SARAF: variants seen among roughly 807,000 people sequenced by gnomAD.
SARAF encodes store-operated calcium entry associated regulatory factor.
Under a neutral mutation model 39.7 loss-of-function variants are expected in SARAF, and 23 were observed. The observed-to-expected ratio is 0.58, with a 90% confidence interval of 0.42 to 0.82. The LOEUF is 0.82. Ranked by LOEUF, SARAF falls within the 40% of genes least tolerant of loss-of-function variation. SARAF has a pLI of 0.00. For missense variants in SARAF, 384 were observed against 418.5 expected, an observed-to-expected ratio of 0.92 and a Z score of 0.72; for synonymous variants, 175 against 168.5, an observed-to-expected ratio of 1.04 and a Z score of -0.30.
chr8:30,076,178 A>T (rs922251825), intron 1 of SARAF, among the ~76,000 whole-genome samples: 1 of 152,104 alleles, frequency 6.6e-6, no homozygotes, highest in African/African-American at 2.4e-5. Context: ...TGGAGAGGAT[A>T]AAACTGAAGG....
At chr8:30,066,291 CG>C in intron 4 of SARAF, 152 bp from the exon 5 acceptor site, 2 of 836,376 alleles carry the variant, frequency 2.4e-6, no homozygotes, top group Non-Finnish European at 3.6e-6. Context: ...AAATAAAAAC[CG>C]TTTCATATTT....
At chr8:30,076,499 T>A (rs1358499441) in intron 1 of SARAF, among the ~76,000 whole-genome samples, 1 of 152,254 alleles carries the variant, frequency 6.6e-6, no homozygotes, top group Non-Finnish European at 1.5e-5. Flanking sequence ...TAGCTTCCAA[T>A]GAGCTTTTTG....
At chr8:30,074,987 T>C (rs1415937654) in intron 1 of SARAF, among the ~76,000 whole-genome samples, 2 of 152,166 alleles carry the variant, frequency 1.3e-5, no homozygotes, top group Non-Finnish European at 2.9e-5. Context: ...TAAAATTATG[T>C]CTGGCATTCA....
At chr8:30,078,398 C>T (rs1231558484) in intron 1 of SARAF, 1 of 257,592 alleles carries the variant, frequency 3.9e-6, no homozygotes, top group Non-Finnish European at 7.8e-6. Flanking sequence ...CACAAAGGCA[C>T]ACGAAAAGTA....
At chr8:30,064,561 A>T (rs368970226) in intron 5 of SARAF, among the ~76,000 whole-genome samples, 42,400 of 46,340 alleles carry the variant, frequency 0.91, 19,608 homozygotes, top group South Asian at 0.95. Context: ...ATATATATAT[A>T]TTTTTTTTTT....
Position 30,063,749 on chromosome 8 carries a change from AG to A in SARAF, c.*138del. ...TAGCCTCAAATAATAGAATACAAAA[AG>A]CTACACTGGACATAACACCACAGAA... On this transcript the variant is annotated 3_prime_UTR_variant, in exon 6 of 6. Coordinates refer to ENST00000256255, the MANE Select transcript of SARAF (RefSeq NM_016127.6). 1.4e-6 allele frequency: 1 copy of A among 724,978 alleles called. No individual in the cohort carries two copies. Among genetic ancestry groups the A allele is most frequent in the Non-Finnish European group, 2.4e-6 (1 of 416,804 alleles). 44.9% of individuals were successfully genotyped at this position (724,978 alleles called of 1,614,324 possible). A position where few individuals can be genotyped will look rare whatever the true frequency, so the allele number is the denominator to read the frequency against.
intron 2 of SARAF, among the ~76,000 whole-genome samples, chr8:30,072,966 A>G (rs564032422): frequency 5.3e-4 from 81 of 152,336 alleles, no homozygotes; most frequent in African/African-American, 1.9e-3. Flanking sequence ...AATGAATGAC[A>G]TCACCATTAC....
chr8:30,068,440 C>T (rs575876470), intron 3 of SARAF, among the ~76,000 whole-genome samples: 1 of 152,292 alleles, frequency 6.6e-6, no homozygotes, highest in African/African-American at 2.4e-5. Flanking sequence ...CTCAGGGCTC[C>T]CACTGATTCT....
intron 1 of SARAF, among the ~76,000 whole-genome samples, chr8:30,077,106 T>C (rs1801984812): frequency 6.6e-6 from 1 of 152,134 alleles, no homozygotes; most frequent in South Asian, 2.1e-4. Flanking sequence ...TTAAAAGGGA[T>C]ACTCAGAGAA....
chr8:30,075,173 G>A (rs1006787238), intron 1 of SARAF, among the ~76,000 whole-genome samples: 2 of 152,008 alleles, frequency 1.3e-5, no homozygotes, highest in African/African-American at 4.8e-5. Context: ...GGTGGCACAT[G>A]CCTGTAATCC....
In SARAF at chr8:30,069,773, T is replaced by C. The variant is rs765079524; in HGVS notation, c.569A>G (p.Tyr190Cys). ...CTGCCCGTCACTCAGGAACAGCTTA[T>C]AGACTACAAACGCGATCCCAAGGAG... Reference protein sequence around the residue: ...VVLLGIAFVVYKLFLSDGQYS... With the variant: ...VVLLGIAFVVCKLFLSDGQYS... Residue 190 changes from tyrosine to cysteine, a missense_variant, in exon 3 of 6, where the codon TAT becomes TGT. Coordinates refer to ENST00000256255, the MANE Select transcript of SARAF (RefSeq NM_016127.6). 4.3e-6 allele frequency: 7 copies of C among 1,614,028 alleles called. No homozygotes were observed. The highest frequency in any genetic ancestry group is 1.3e-5 in the African/African-American group (1 of 74,920).
rs1054766417 is a variant in SARAF, at chr8:30,078,304, A to C, written c.104-4249T>G. ...CTGATTAGACAAACTCCAGGCTGTAATTCAAGAAAAGTTCCCACACTGAAG... is the reference window on the plus strand; with the variant it reads ...CTGATTAGACAAACTCCAGGCTGTACTTCAAGAAAAGTTCCCACACTGAAG... On this transcript the variant is annotated intron_variant, in intron 1 of 5. Transcript: ENST00000256255. The C allele has an allele frequency of 2.3e-5, 10 of 428,812 alleles. No homozygotes were observed. In the Admixed American group the frequency reaches 2.9e-4, roughly 13 times the overall value. 26.6% of individuals were successfully genotyped at this position (428,812 alleles called of 1,614,324 possible).
chr8:30,074,438 A>G lies in SARAF; in HGVS notation c.104-383T>C, dbSNP rs536912904. 5.9e-5 allele frequency among the ~76,000 whole-genome samples: 9 copies of G among 152,354 alleles called. No homozygotes were observed. In the East Asian group the frequency reaches 1.5e-3, roughly 26 times the overall value. On this transcript the variant is annotated intron_variant, in intron 1 of 5. Transcript: ENST00000256255. ...ACATTTAATGCTTTAAATGTCCATCAACAGGTGAAGAAATTAACACATTCT... is the reference window on the plus strand; with the variant it reads ...ACATTTAATGCTTTAAATGTCCATCGACAGGTGAAGAAATTAACACATTCT...
At chr8:30,069,178 C>T (rs1483502826) in intron 3 of SARAF, among the ~76,000 whole-genome samples, 4 of 116,012 alleles carry the variant, frequency 3.4e-5, no homozygotes, top group Non-Finnish European at 3.2e-5. Context: ...CTCGCTCTGT[C>T]ACTCAGGCTG....
chr8:30,064,543 A>AT (rs1187215004), intron 5 of SARAF, among the ~76,000 whole-genome samples: 1 of 49,032 alleles, frequency 2.0e-5, no homozygotes, highest in African/African-American at 8.2e-5. Context: ...CCATATATAT[A>AT]TATATATATA....
chr8:30,067,700 T>C (rs1040428294), intron 3 of SARAF, among the ~76,000 whole-genome samples: 2 of 152,214 alleles, frequency 1.3e-5, no homozygotes, highest in African/African-American at 2.4e-5. Context: ...TACCATTGCA[T>C]TATCAGTTTT....
Position 30,069,726 on chromosome 8 carries a change from CAG to C in SARAF, c.614_615del (p.Ser205Ter). On this transcript the variant is annotated frameshift_variant, in exon 3 of 6. Coordinates refer to ENST00000256255, the MANE Select transcript of SARAF (RefSeq NM_016127.6). LOFTEE classifies it high-confidence loss of function. Reference sequence around the variant, plus strand: ...TAACGGTGGGAAAATGGAGGATACTCAGAGTACGGTGGAGGAGAATACTGCCC... The same window carrying C: ...TAACGGTGGGAAAATGGAGGATACTCAGTACGGTGGAGGAGAATACTGCCC... ...SDGQYSPPPY[S>X]EYPPFSHRYQ... 2 of 1,614,104 alleles carry C rather than the reference CAG, an allele frequency of 1.2e-6. No homozygotes were observed. The highest frequency in any genetic ancestry group is 1.7e-6 in the Non-Finnish European group (2 of 1,180,030).
At chr8:30,064,562 T>TATATATATATATA (rs1182365966) in intron 5 of SARAF, among the ~76,000 whole-genome samples, 14 of 18,634 alleles carry the variant, frequency 7.5e-4, no homozygotes, top group Non-Finnish European at 1.1e-3. Context: ...TATATATATA[T>TATATATATATATA]TTTTTTTTTT....
chr8:30,073,863 G>A lies in SARAF; in HGVS notation c.282+14C>T. The A allele has an allele frequency of 6.2e-7, 1 of 1,611,470 alleles. No individual in the cohort carries two copies. Among genetic ancestry groups the A allele is most frequent in the South Asian group, 1.1e-5 (1 of 90,968 alleles). ...AAACCCCATTTAGACTGCCATTACTGTAGTGGATATTACCTGTACATCATA... is the reference window on the plus strand; with the variant it reads ...AAACCCCATTTAGACTGCCATTACTATAGTGGATATTACCTGTACATCATA... On this transcript the variant is annotated intron_variant, in intron 2 of 5. Transcript: ENST00000256255.
Sources: gnomAD v4.1 joint callset for allele counts (sites outside exome capture counted in the v4.1 genomes callset) on GRCh38, gnomAD v4.1.1 for gene constraint, MANE v1.5 for transcripts, NCBI Gene and HGNC (gene_info 2026-07-23, HGNC 2026-07-21) for gene names.